Variants in UBE4B observed in about 807,000 individuals in gnomAD.
UBE4B encodes ubiquitination factor E4B.
UBE4B carries 27 observed loss-of-function variants against 148.1 expected under a neutral mutation model. The observed-to-expected ratio is 0.18, with a 90% CI of 0.13 to 0.25. The LOEUF is 0.25. Ranked by LOEUF, UBE4B falls within the 10% of genes least tolerant of loss-of-function variation. UBE4B has a pLI of 1.00. For missense variants in UBE4B, 1,170 were observed against 1,662.4 expected, an observed-to-expected ratio of 0.70 and a Z score of 5.15; for synonymous variants, 596 against 619.3, an observed-to-expected ratio of 0.96 and a Z score of 0.56.
intron 10 of UBE4B, 43 bp from the exon 11 acceptor site, chr1:10,126,751 T>G: frequency 1.3e-6 from 2 of 1,521,694 alleles, no homozygotes; most frequent in Non-Finnish European, 1.8e-6. Context: ...CACTCTTAGA[T>G]TCTCTTAAAC....
Position 10,178,762 on chromosome 1 carries a change from T to C in UBE4B, c.3644T>C (p.Val1215Ala). The change falls in exon 26 of 28, where the codon GTG becomes GCG. Residue 1215 changes from valine to alanine, a missense_variant. By Grantham distance (64) the Val-to-Ala change is moderately conservative. Coordinates refer to ENST00000343090, the MANE Select transcript of UBE4B (RefSeq NM_001105562.3). ...CTCGCCGAGAAAGTGGAGGAGATAG[T>C]GGCCAAGAACGCACGCGCAGAAATC... ...KLLAEKVEEI[V>A]AKNARAEIDY... The C allele has an allele frequency of 1.9e-6, 3 of 1,613,828 alleles. No individual in the cohort carries two copies. The highest frequency in any genetic ancestry group is 2.5e-6 in the Non-Finnish European group (3 of 1,179,928).
At chr1:10,151,748 C>T (rs557710065) in intron 21 of UBE4B, among the ~76,000 whole-genome samples, 187 bp downstream of exon 21, 1 of 152,056 alleles carries the variant, frequency 6.6e-6, no homozygotes, top group Non-Finnish European at 1.5e-5. Context: ...AGGAATAGGA[C>T]AACCATTCCA....
chr1:10,105,733 C>T lies in UBE4B; in HGVS notation c.798C>T (p.Ser266=), dbSNP rs1645095230. The change falls in exon 6 of 28, where the codon AGC becomes AGT. Residue 266 remains serine, a synonymous_variant. Coordinates refer to ENST00000343090, the MANE Select transcript of UBE4B (RefSeq NM_001105562.3). The stretch of plus-strand genomic sequence containing the variant: ...GCAGCGTGGCTTCCTTTGGTGCCAG[C>T]TCTTTGTCTAGGTCAGTGTGGTTCT... ...MFCSVASFGA[S]SLSSLYESSP... The T allele has an allele frequency of 1.9e-6, 3 of 1,613,760 alleles. No individual in the cohort carries two copies. Among genetic ancestry groups the T allele is most frequent in the African/African-American group, 1.3e-5 (1 of 75,046 alleles).
At chr1:10,085,540 G>C (rs1019646123) in intron 2 of UBE4B, among the ~76,000 whole-genome samples, 2 of 152,174 alleles carry the variant, frequency 1.3e-5, no homozygotes, top group African/African-American at 4.8e-5. Context: ...TCACTGTTTT[G>C]ATAGGGGATG....
chr1:10,148,967 A>C (rs1645927028), intron 19 of UBE4B, among the ~76,000 whole-genome samples: 1 of 152,156 alleles, frequency 6.6e-6, no homozygotes, highest in Non-Finnish European at 1.5e-5. Context: ...AATCAAGAAA[A>C]GGAAAACATT....
chr1:10,151,218 A>C (rs1278338069), intron 20 of UBE4B, 108 bp from the exon 21 acceptor site: 1 of 995,896 alleles, frequency 1.0e-6, no homozygotes, highest in East Asian at 2.4e-5. Flanking sequence ...TCCCAAACCT[A>C]CTTATCCTGC....
intron 5 of UBE4B, 102 bp from the exon 6 acceptor site, chr1:10,105,414 G>C (rs1182828179): frequency 3.3e-6 from 3 of 914,118 alleles, no homozygotes; most frequent in Non-Finnish European, 5.3e-6. Flanking sequence ...TCTAATCCAG[G>C]ATACTGCATC....
At chr1:10,073,920 A>ATTTTTTTTTTTTTTT (rs947131085) in intron 2 of UBE4B, among the ~76,000 whole-genome samples, 9 of 74,852 alleles carry the variant, frequency 1.2e-4, no homozygotes, top group Non-Finnish European at 1.7e-4. Flanking sequence ...CTTTCTTTCT[A>ATTTTTTTTTTTTTTT]TTTTTTTTTT....
chr1:10,149,923 C>T (rs2101984973), intron 20 of UBE4B, among the ~76,000 whole-genome samples: 1 of 152,126 alleles, frequency 6.6e-6, no homozygotes, highest in Admixed American at 6.6e-5. Flanking sequence ...AGGAGGATTG[C>T]TTGAGCCTAG....
intron 2 of UBE4B, among the ~76,000 whole-genome samples, chr1:10,092,829 A>C (rs1644871095): frequency 7.0e-6 from 1 of 142,784 alleles, no homozygotes; most frequent in South Asian, 2.2e-4. Flanking sequence ...ACTCTATCTC[A>C]AAAAAAAAAA....
chr1:10,065,884 T>C (rs1455621725), intron 1 of UBE4B, among the ~76,000 whole-genome samples: 2 of 152,184 alleles, frequency 1.3e-5, no homozygotes, highest in Non-Finnish European at 2.9e-5. Flanking sequence ...AAAAAATAAA[T>C]GGAATCATTA....
At chr1:10,141,074 T>A (rs1645775464) in intron 17 of UBE4B, among the ~76,000 whole-genome samples, 1 of 152,222 alleles carries the variant, frequency 6.6e-6, no homozygotes, top group South Asian at 2.1e-4. Flanking sequence ...CTTCTCTTGC[T>A]GATCAAGCAT....
chr1:10,060,491 A>G (rs1644263506), intron 1 of UBE4B, among the ~76,000 whole-genome samples: 1 of 152,172 alleles, frequency 6.6e-6, no homozygotes, highest in South Asian at 2.1e-4. Flanking sequence ...AAATGTCGTT[A>G]TGCAGCCCAT....
At position 10,130,739 on chromosome 1, in the gene UBE4B, T is replaced by C. The variant is rs1270944723; in HGVS notation, c.1837T>C (p.Ser613Pro). 1 of 1,614,170 alleles carries C rather than the reference T, an allele frequency of 6.2e-7. No individual in the cohort carries two copies. The highest frequency in any genetic ancestry group is 1.1e-5 in the South Asian group (1 of 91,088). Residue 613 changes from serine to proline, a missense_variant, in exon 14 of 28, where the codon TCA becomes CCA. Physicochemically the swap from Ser to Pro is moderately conservative, Grantham distance 74 (BLOSUM62 -1). Transcript: ENST00000343090. ...GGTTAAAGTGGTTGAAAAATACTTC[T>C]CAGGGCCTGCCATTACCCTGGAAAA... is the stretch of plus-strand genomic sequence containing the variant. ...DDVKVVEKYFSGPAITLENTR... is the reference protein window; with the variant it reads ...DDVKVVEKYFPGPAITLENTR...
intron 2 of UBE4B, among the ~76,000 whole-genome samples, chr1:10,076,206 G>C (rs983783718): frequency 6.6e-6 from 1 of 150,980 alleles, no homozygotes; most frequent in East Asian, 1.9e-4. Flanking sequence ...GTGATTGAGA[G>C]ATTTTTGTTC....
At chr1:10,057,779 A>G (rs1644204637) in intron 1 of UBE4B, among the ~76,000 whole-genome samples, 1 of 152,008 alleles carries the variant, frequency 6.6e-6, no homozygotes, top group Non-Finnish European at 1.5e-5. Flanking sequence ...TTTTGCTAGT[A>G]ATTGCTAGAA....
chr1:10,127,778 C>T (rs553711089), intron 11 of UBE4B, among the ~76,000 whole-genome samples: 1 of 152,284 alleles, frequency 6.6e-6, no homozygotes, highest in African/African-American at 2.4e-5. Flanking sequence ...AAGACAAGGT[C>T]CCTCTCCTCA....
In UBE4B at chr1:10,053,099, G is replaced by A. The variant is rs147878525; in HGVS notation, c.25-18929G>A. Among the ~76,000 whole-genome samples the A allele has an allele frequency of 7.2e-5, 11 of 151,750 alleles. No homozygotes were observed. The East Asian group carries it at 1.4e-3, about 19-fold the overall frequency. The stretch of plus-strand genomic sequence containing the variant: ...AGCGACCCTCCCACCTCAGCCTCCC[G>A]AGTAACTGGGACCACAGGTGTTTAC... On this transcript the variant is annotated intron_variant, in intron 1 of 27. Coordinates refer to ENST00000343090, the MANE Select transcript of UBE4B (RefSeq NM_001105562.3).
chr1:10,100,552 T>TTTTA (rs1001105831), intron 3 of UBE4B, among the ~76,000 whole-genome samples: 11 of 152,052 alleles, frequency 7.2e-5, no homozygotes, highest in African/African-American at 2.7e-4. Context: ...AATGATATAC[T>TTTTA]TTTATTTATT....
Sources: gnomAD v4.1 joint callset for allele counts (sites outside exome capture counted in the v4.1 genomes callset) on GRCh38, gnomAD v4.1.1 for gene constraint, MANE v1.5 for transcripts, NCBI Gene and HGNC (gene_info 2026-07-23, HGNC 2026-07-21) for gene names.